OPCML: variants seen among roughly 807,000 people sequenced by gnomAD.
OPCML encodes opioid-binding protein/cell adhesion molecule.
Under a neutral mutation model 37.8 loss-of-function variants are expected in OPCML, and 13 were observed. That is an observed-to-expected ratio of 0.34 (90% confidence interval 0.22 to 0.55). OPCML has a LOEUF of 0.55. OPCML is among the 20% of genes least tolerant of loss of function. The pLI is 0.91. For missense variants in OPCML, 341 were observed against 435.6 expected, an observed-to-expected ratio of 0.78 and a Z score of 1.93; for synonymous variants, 176 against 168.8, an observed-to-expected ratio of 1.04 and a Z score of -0.33.
chr11:132,823,084 A>T (rs1940086441), intron 2 of OPCML, among the ~76,000 whole-genome samples: 1 of 152,228 alleles, frequency 6.6e-6, no homozygotes, highest in Non-Finnish European at 1.5e-5. Context: ...CATGCCAATT[A>T]TCTCAAAAGA....
At position 133,371,206 on chromosome 11, in the gene OPCML, G is replaced by C. The variant is rs1173450969; in HGVS notation, c.61+161058C>G. ...AGTAAAGGAGGCTTTTGTACACTGT[G>C]GTGGGAATGCAAATTAGTACAACTT... On this transcript the variant is annotated intron_variant, in intron 1 of 7. Coordinates refer to ENST00000524381, the MANE Select transcript of OPCML (RefSeq NM_001012393.5). Among the ~76,000 whole-genome samples the C allele has an allele frequency of 2.0e-5, 3 of 152,224 alleles. No individual in the cohort carries two copies. In the South Asian group the frequency reaches 6.2e-4, roughly 32 times the overall value.
At chr11:133,397,890 A>G (rs912528799) in intron 1 of OPCML, among the ~76,000 whole-genome samples, 6 of 152,246 alleles carry the variant, frequency 3.9e-5, no homozygotes, top group African/African-American at 9.6e-5. Context: ...GAGGCATTAC[A>G]TTAAATCCTG....
At chr11:133,456,658 A>G (rs992895712) in intron 1 of OPCML, among the ~76,000 whole-genome samples, 1 of 152,152 alleles carries the variant, frequency 6.6e-6, no homozygotes, top group African/African-American at 2.4e-5. Flanking sequence ...AAATGTGGAC[A>G]AAGAACTAAA....
intron 2 of OPCML, among the ~76,000 whole-genome samples, chr11:132,808,523 C>A (rs181155210): frequency 1.3e-5 from 2 of 152,296 alleles, no homozygotes; most frequent in Non-Finnish European, 2.9e-5. Context: ...AGGCTTGATC[C>A]TGAAGGGTTA....
intron 3 of OPCML, among the ~76,000 whole-genome samples, chr11:132,656,549 T>G (rs1249373237): frequency 2.0e-5 from 3 of 152,150 alleles, no homozygotes; most frequent in African/African-American, 7.2e-5. Context: ...ATATCCCTCT[T>G]GGATCTGGAC....
rs530509846 is a variant in OPCML, at chr11:132,823,026, G to A, written c.146+119900C>T. Among the ~76,000 whole-genome samples the A allele has an allele frequency of 6.6e-5, 10 of 152,312 alleles. 1 individual carries two copies. The South Asian group carries it at 1.5e-3, about 22-fold the overall frequency. On this transcript the variant is annotated intron_variant, in intron 2 of 7. Coordinates refer to ENST00000524381, the MANE Select transcript of OPCML (RefSeq NM_001012393.5). ...TGTTATTAAACAATATATGTAAGTGGTAAATCAGACTTTAATCTTTGAATG... is the reference window on the plus strand; with the variant it reads ...TGTTATTAAACAATATATGTAAGTGATAAATCAGACTTTAATCTTTGAATG...
intron 1 of OPCML, among the ~76,000 whole-genome samples, chr11:133,462,544 C>A (rs1329956409): frequency 6.6e-6 from 1 of 152,028 alleles, no homozygotes; most frequent in Admixed American, 6.6e-5. Flanking sequence ...AGATATTTTT[C>A]CAAAGATGTA....
intron 1 of OPCML, among the ~76,000 whole-genome samples, chr11:133,380,472 A>T (rs1280376776): frequency 6.6e-6 from 1 of 152,200 alleles, no homozygotes; most frequent in Non-Finnish European, 1.5e-5. Context: ...CAAGTAATAT[A>T]CCTAACGAGG....
intron 1 of OPCML, chr11:133,026,684 G>C: frequency 3.0e-6 from 2 of 663,228 alleles, no homozygotes; most frequent in Non-Finnish European, 3.7e-6. Flanking sequence ...CTTACGATAA[G>C]GAACCTGTGT....
intron 1 of OPCML, among the ~76,000 whole-genome samples, chr11:133,080,134 C>T (rs1275361701): frequency 1.3e-5 from 2 of 152,160 alleles, no homozygotes; most frequent in Non-Finnish European, 2.9e-5. Flanking sequence ...GAACTACTGG[C>T]CAATCCACAA....
intron 2 of OPCML, among the ~76,000 whole-genome samples, chr11:132,880,897 T>C (rs761128762): frequency 3.9e-5 from 6 of 152,232 alleles, no homozygotes; most frequent in Non-Finnish European, 7.3e-5. Flanking sequence ...GAGTTTGATA[T>C]TGCTTTAACC....
chr11:133,478,868 C>G (rs997996562), intron 1 of OPCML, among the ~76,000 whole-genome samples: 10 of 151,828 alleles, frequency 6.6e-5, no homozygotes, highest in African/African-American at 2.4e-4. Context: ...TGCTACTCAC[C>G]CTGGAGCTGT....
intron 1 of OPCML, among the ~76,000 whole-genome samples, chr11:133,103,537 C>G (rs143837363): frequency 1.5e-4 from 23 of 152,218 alleles, no homozygotes; most frequent in African/African-American, 5.3e-4. Flanking sequence ...CAAAATGTGA[C>G]AGGAAAAAAT....
intron 3 of OPCML, among the ~76,000 whole-genome samples, chr11:132,650,575 T>TACACAC (rs778030618): frequency 1.5e-3 from 220 of 150,090 alleles, no homozygotes; most frequent in Admixed American, 2.5e-3. Flanking sequence ...CCAATTGACA[T>TACACAC]ACACACACAC....
In OPCML at chr11:132,568,150, T is replaced by C. The variant is rs80003877; in HGVS notation, c.380-38964A>G. On this transcript the variant is annotated intron_variant, in intron 3 of 7. Coordinates refer to ENST00000524381, the MANE Select transcript of OPCML (RefSeq NM_001012393.5). ...ATGGGTGTGCAAATACCAAGACATATAGATGGATACAAAACCTAAAAGTAA... is the reference window on the plus strand; with the variant it reads ...ATGGGTGTGCAAATACCAAGACATACAGATGGATACAAAACCTAAAAGTAA... 8.2e-3 allele frequency among the ~76,000 whole-genome samples: 1,246 copies of C among 152,168 alleles called. 18 individuals are homozygous for C. Among genetic ancestry groups the C allele is most frequent in the African/African-American group, 0.028 (1,158 of 41,500 alleles).
intron 2 of OPCML, among the ~76,000 whole-genome samples, chr11:132,926,368 A>G (rs28692580): frequency 0.13 from 19,108 of 152,160 alleles, 4,040 homozygotes; most frequent in African/African-American, 0.43. Context: ...AAGACAGCAT[A>G]CCTTCTGCAA....
intron 1 of OPCML, among the ~76,000 whole-genome samples, chr11:133,501,531 G>T (rs1947915032): frequency 6.6e-6 from 1 of 152,130 alleles, no homozygotes; most frequent in South Asian, 2.1e-4. Flanking sequence ...TGTTATATGA[G>T]AAAAAGAAGA....
At chr11:132,488,344 G>A (rs1277058001) in intron 4 of OPCML, among the ~76,000 whole-genome samples, 2 of 152,192 alleles carry the variant, frequency 1.3e-5, no homozygotes, top group African/African-American at 2.4e-5. Context: ...GAACACCCTA[G>A]AGTGCACTTA....
intron 1 of OPCML, among the ~76,000 whole-genome samples, chr11:133,140,967 A>C (rs1319391677): frequency 0.053 from 143 of 2,692 alleles, 24 homozygotes; most frequent in African/African-American, 0.078. Flanking sequence ...AAGAAGAAGA[A>C]GAAGAAGAAG....
Sources: allele counts gnomAD v4.1 joint callset (sites outside exome capture counted in the v4.1 genomes callset), GRCh38; gene constraint gnomAD v4.1.1; transcripts MANE v1.5; gene names NCBI Gene and HGNC (gene_info 2026-07-23, HGNC 2026-07-21).